Variants in RNF11 observed in about 807,000 individuals in gnomAD.
RNF11 encodes ring finger protein 11.
A neutral mutation model predicts 15.8 loss-of-function variants in RNF11; 4 were observed. That is an observed-to-expected ratio of 0.25 (90% confidence interval 0.12 to 0.58). The LOEUF (loss-of-function observed/expected upper bound fraction) is 0.58. RNF11 is among the 20% of genes least tolerant of loss of function. The pLI is 0.91. For synonymous variants in RNF11, 68 were observed against 72.3 expected, an observed-to-expected ratio of 0.94 and a Z score of 0.30; for missense variants, 139 against 194.4, an observed-to-expected ratio of 0.71 and a Z score of 1.70.
In RNF11 at chr1:51,271,131, C is replaced by T. The variant is rs754598168; in HGVS notation, c.294-20C>T. 3 of 1,603,200 alleles carry T rather than the reference C, an allele frequency of 1.9e-6. No individual in the cohort carries two copies. Among genetic ancestry groups the T allele is most frequent in the South Asian group, 2.2e-5 (2 of 90,062 alleles). On this transcript the variant is annotated intron_variant, in intron 2 of 2. Transcript: ENST00000242719. ...CACTTCTGAAAATGCCTTCTGATTT[C>T]TCTCCATTGCTCTCAACAGGTGTGT...
At chr1:51,269,881 T>C in intron 1 of RNF11, 75 bp from the exon 2 acceptor site, 1 of 1,326,264 alleles carries the variant, frequency 7.5e-7, no homozygotes, top group Non-Finnish European at 1.1e-6. Flanking sequence ...CTTTCCCTTC[T>C]ATCTCTGACC....
At position 51,251,333 on chromosome 1, in the gene RNF11, T is replaced by C. The variant is rs1220200740; in HGVS notation, c.123+14454T>C. 17 of 1,514,018 alleles carry C rather than the reference T, an allele frequency of 1.1e-5. No homozygotes were observed. In the African/African-American group the frequency reaches 1.4e-4, roughly 12 times the overall value. The allele number at this position is 1,514,018 out of a possible 1,614,324, so 93.8% of individuals were successfully genotyped here. A position where few individuals can be genotyped will look rare whatever the true frequency, so the allele number is the denominator to read the frequency against. ...TATCCTCGGCCTTGCCTCCGCGAGC[T>C]CCGCGGCCTCGGCCCCGGCCCCGTC... On this transcript the variant is annotated intron_variant, in intron 1 of 2. Coordinates refer to ENST00000242719, the MANE Select transcript of RNF11 (RefSeq NM_014372.5).
intron 1 of RNF11, among the ~76,000 whole-genome samples, chr1:51,246,264 T>TCAA (rs955432642): frequency 3.3e-5 from 5 of 151,524 alleles, no homozygotes; most frequent in African/African-American, 4.9e-5. Context: ...AAACTCCATC[T>TCAA]CAACAACAAC....
chr1:51,271,253 A>C lies in RNF11; in HGVS notation c.396A>C (p.Arg132Ser). The C allele has an allele frequency of 6.2e-7, 1 of 1,614,074 alleles. No individual in the cohort carries two copies. Among genetic ancestry groups the C allele is most frequent in the Non-Finnish European group, 8.5e-7 (1 of 1,179,974 alleles). ...HLDCIDDWLM[R>S]SFTCPSCMEP... ...ACTGTATAGATGACTGGTTGATGAGATCCTTCACGTGCCCCTCCTGCATGG... is the reference window on the plus strand; with the variant it reads ...ACTGTATAGATGACTGGTTGATGAGCTCCTTCACGTGCCCCTCCTGCATGG... The change falls in exon 3 of 3, where the codon AGA becomes AGC. Residue 132 changes from arginine (R) to serine (S), a missense_variant. Arg to Ser is a moderately radical substitution (Grantham distance 110, BLOSUM62 -1). Coordinates refer to ENST00000242719, the MANE Select transcript of RNF11 (RefSeq NM_014372.5).
chr1:51,239,582 T>G (rs185600623), intron 1 of RNF11, among the ~76,000 whole-genome samples: 24 of 152,316 alleles, frequency 1.6e-4, no homozygotes, highest in Admixed American at 1.4e-3. Context: ...TTATTTGAGT[T>G]GAGAATCTCC....
intron 1 of RNF11, among the ~76,000 whole-genome samples, chr1:51,247,398 T>C (rs1323511062): frequency 6.6e-6 from 1 of 152,062 alleles, no homozygotes; most frequent in East Asian, 1.9e-4. Context: ...CTGGGTTTTT[T>C]GGTTTTCAAT....
In RNF11 at chr1:51,243,531, C is replaced by T. The variant is rs1268362689; in HGVS notation, c.123+6652C>T. On this transcript the variant is annotated intron_variant, in intron 1 of 2. Coordinates refer to ENST00000242719, the MANE Select transcript of RNF11 (RefSeq NM_014372.5). ...TCAGCTCACTGCAGCCTCCGCCTCC[C>T]GGGTCCGAGCAATTCTCCTGCCTCA... 3.3e-5 allele frequency among the ~76,000 whole-genome samples: 5 copies of T among 152,116 alleles called. No individual in the cohort carries two copies. In the South Asian group the frequency reaches 6.2e-4, roughly 19 times the overall value.
intron 1 of RNF11, among the ~76,000 whole-genome samples, chr1:51,260,785 T>G (rs1418020860): frequency 6.6e-6 from 1 of 152,182 alleles, no homozygotes; most frequent in Non-Finnish European, 1.5e-5. Context: ...AACCAGATAC[T>G]CAAGCTCATC....
chr1:51,248,026 A>G lies in RNF11; in HGVS notation c.123+11147A>G, dbSNP rs977212515. Among the ~76,000 whole-genome samples the G allele has an allele frequency of 1.2e-4, 19 of 152,138 alleles. 1 individual carries two copies. Among genetic ancestry groups the G allele is most frequent in the Admixed American group, 1.2e-3 (19 of 15,288 alleles). On this transcript the variant is annotated intron_variant, in intron 1 of 2. Coordinates refer to ENST00000242719, the MANE Select transcript of RNF11 (RefSeq NM_014372.5). ...AACCTTATTTTTGTGGAAGAAAAAG[A>G]AGCAGTTTACCATAATTGAGTAGCG... is the stretch of plus-strand genomic sequence containing the variant.
intron 1 of RNF11, among the ~76,000 whole-genome samples, chr1:51,258,891 T>C (rs1260069394): frequency 6.6e-6 from 1 of 152,226 alleles, no homozygotes; most frequent in Admixed American, 6.5e-5. Context: ...ATGTGTTTTA[T>C]TTAGTATTAT....
chr1:51,253,740 T>C (rs902993269), intron 1 of RNF11, among the ~76,000 whole-genome samples: 1 of 152,194 alleles, frequency 6.6e-6, no homozygotes, highest in African/African-American at 2.4e-5. Flanking sequence ...CAACACTTCA[T>C]TATTTTTGCT....
chr1:51,270,254 A>G, intron 2 of RNF11, 129 bp downstream of exon 2: 1 of 671,556 alleles, frequency 1.5e-6, no homozygotes, highest in South Asian at 2.1e-5. Flanking sequence ...AATGCAAGAG[A>G]ATGTTTAATT....
In RNF11 at chr1:51,253,138, A is replaced by G. The variant is rs188225741; in HGVS notation, c.123+16259A>G. Among the ~76,000 whole-genome samples the G allele has an allele frequency of 4.5e-4, 69 of 152,006 alleles. 1 individual carries two copies. In the South Asian group the frequency reaches 7.7e-3, roughly 17 times the overall value. Reference sequence around the variant, plus strand: ...CCACGCCCGACGTTGTCCAGTTTTTAATTGGGTTGTCTGTCTGTTAAAAAC... The same window carrying G: ...CCACGCCCGACGTTGTCCAGTTTTTGATTGGGTTGTCTGTCTGTTAAAAAC... On this transcript the variant is annotated intron_variant, in intron 1 of 2. Transcript: ENST00000242719.
intron 1 of RNF11, among the ~76,000 whole-genome samples, chr1:51,254,298 T>C (rs528616999): frequency 4.1e-4 from 63 of 152,284 alleles, no homozygotes; most frequent in African/African-American, 1.5e-3. Flanking sequence ...TTTCTTTTTC[T>C]GTTTTTGAGA....
chr1:51,268,471 T>A (rs780043617), intron 1 of RNF11, among the ~76,000 whole-genome samples: 2 of 152,228 alleles, frequency 1.3e-5, no homozygotes, highest in Non-Finnish European at 2.9e-5. Flanking sequence ...TTATTAATGT[T>A]TCCCCGTAAA....
chr1:51,265,209 C>A (rs946062190), intron 1 of RNF11: 1 of 152,002 alleles, frequency 6.6e-6, no homozygotes, highest in African/African-American at 2.4e-5. Flanking sequence ...GCCTGTACTC[C>A]CAGCTACTCG....
At chr1:51,258,881 A>T (rs995790829) in intron 1 of RNF11, among the ~76,000 whole-genome samples, 1 of 152,068 alleles carries the variant, frequency 6.6e-6, no homozygotes, top group Non-Finnish European at 1.5e-5. Flanking sequence ...TGTAATGTGG[A>T]TGTGTTTTAT....
At chr1:51,256,477 A>ATAG (rs1442024918) in intron 1 of RNF11, among the ~76,000 whole-genome samples, 1 of 152,224 alleles carries the variant, frequency 6.6e-6, no homozygotes, top group Non-Finnish European at 1.5e-5. Context: ...GAAGGACACC[A>ATAG]TAGTTACTTC....
chr1:51,263,808 A>G (rs1646941223), intron 1 of RNF11, among the ~76,000 whole-genome samples: 2 of 152,296 alleles, frequency 1.3e-5, no homozygotes, highest in South Asian at 4.1e-4. Flanking sequence ...TCTAAAATTG[A>G]TAAGTGATGG....
Sources: gnomAD v4.1 joint callset for allele counts (sites outside exome capture counted in the v4.1 genomes callset) on GRCh38, gnomAD v4.1.1 for gene constraint, MANE v1.5 for transcripts, NCBI Gene and HGNC (gene_info 2026-07-23, HGNC 2026-07-21) for gene names.